Variants in WDFY3 observed in about 807,000 individuals in gnomAD.
WDFY3 encodes WD repeat and FYVE domain-containing protein 3.
In WDFY3, 66 loss-of-function variants were observed where a neutral mutation model predicts 409.6. The observed-to-expected ratio is 0.16, with a 90% CI of 0.13 to 0.20. The LOEUF is 0.20. WDFY3 is among the 10% of genes least tolerant of loss of function. The pLI is 1.00. For synonymous variants in WDFY3, 1,521 were observed against 1,537.1 expected, an observed-to-expected ratio of 0.99 and a Z score of 0.25; for missense variants, 3,031 against 4,298.1, an observed-to-expected ratio of 0.71 and a Z score of 8.24.
intron 64 of WDFY3, among the ~76,000 whole-genome samples, chr4:84,681,373 C>T (rs1356490940): frequency 6.6e-6 from 1 of 152,148 alleles, no homozygotes; most frequent in African/African-American, 2.4e-5. Flanking sequence ...TAACAGGTAA[C>T]CCCCAAACAC....
chr4:84,834,767 A>C (rs1048240759), intron 7 of WDFY3, among the ~76,000 whole-genome samples: 2 of 152,200 alleles, frequency 1.3e-5, no homozygotes, highest in African/African-American at 4.8e-5. Context: ...ACAACAACAA[A>C]AAAACTGAAT....
At chr4:84,794,797 T>C (rs1318484681) in intron 20 of WDFY3, 60 bp from the exon 21 acceptor site, 3 of 1,519,762 alleles carry the variant, frequency 2.0e-6, no homozygotes, top group African/African-American at 1.4e-5. Context: ...TTTTAAAAGA[T>C]GCCAACAAAA....
In WDFY3 at chr4:84,678,963, T is replaced by C. The variant is rs1444446258; in HGVS notation, c.10103A>G (p.His3368Arg). The change falls in exon 65 of 68, where the codon CAC becomes CGC. Residue 3368 changes from histidine to arginine, a missense_variant. By Grantham distance (29) the His-to-Arg change is conservative (BLOSUM62 0). Coordinates refer to ENST00000295888, the MANE Select transcript of WDFY3 (RefSeq NM_014991.6). Reference sequence around the variant, plus strand: ...ATTCCGCACCTCAATGGGATTGGGGTGGGGGTGGCTAAGGGGGCCCTGCAG... The same window carrying C: ...ATTCCGCACCTCAATGGGATTGGGGCGGGGGTGGCTAAGGGGGCCCTGCAG... ...AHLQGPLSHP[H>R]PNPIEVRNYS... 2 of 1,613,782 alleles carry C rather than the reference T, an allele frequency of 1.2e-6. No individual in the cohort carries two copies. The highest frequency in any genetic ancestry group is 3.3e-5 in the Admixed American group (2 of 59,964).
intron 53 of WDFY3, among the ~76,000 whole-genome samples, chr4:84,707,165 T>C (rs1578198406): frequency 6.6e-6 from 1 of 151,968 alleles, no homozygotes; most frequent in Non-Finnish European, 1.5e-5. Flanking sequence ...CCTGGACTCA[T>C]GCGATTTGCC....
chr4:84,787,438 G>A (rs1747757041), intron 23 of WDFY3, 44 bp downstream of exon 23: 2 of 1,571,798 alleles, frequency 1.3e-6, no homozygotes, highest in African/African-American at 2.7e-5. Flanking sequence ...TATTGCAGGA[G>A]TTAAGTTTCA....
At chr4:84,888,239 G>A (rs1265159971) in intron 3 of WDFY3, among the ~76,000 whole-genome samples, 3 of 152,034 alleles carry the variant, frequency 2.0e-5, no homozygotes, top group Admixed American at 6.6e-5. Context: ...AGGCAAATAC[G>A]AATAAAAAAC....
chr4:84,944,483 G>T (rs774630867), intron 1 of WDFY3, among the ~76,000 whole-genome samples: 1 of 152,132 alleles, frequency 6.6e-6, no homozygotes, highest in Non-Finnish European at 1.5e-5. Flanking sequence ...AGTGAGCCAA[G>T]ATCTTGCCAC....
intron 28 of WDFY3, 26 bp downstream of exon 28, chr4:84,775,039 T>C (rs1745315495): frequency 6.2e-7 from 1 of 1,613,556 alleles, no homozygotes; most frequent in Admixed American, 1.7e-5. Context: ...AGCTGAATAA[T>C]TAACTACGTG....
chr4:84,826,534 A>C (rs1305318569), intron 10 of WDFY3, among the ~76,000 whole-genome samples: 1 of 152,226 alleles, frequency 6.6e-6, no homozygotes, highest in Non-Finnish European at 1.5e-5. Flanking sequence ...ATTCAAAAGA[A>C]GCATGTTTTG....
intron 2 of WDFY3, among the ~76,000 whole-genome samples, chr4:84,915,418 C>T (rs1378533043): frequency 6.6e-6 from 1 of 152,104 alleles, no homozygotes; most frequent in Admixed American, 6.6e-5. Flanking sequence ...AAGTCTATCA[C>T]CACAAAATTT....
rs1325131080 is a variant in WDFY3 at position 84,802,096 on chromosome 4, C to G, written c.2608-232G>C. Among the ~76,000 whole-genome samples, 4 of 151,608 alleles carry G rather than the reference C, an allele frequency of 2.6e-5. No individual in the cohort carries two copies. The East Asian group carries it at 5.9e-4, about 22-fold the overall frequency. ...CCAAGTAACTGGGATAACAGGCGCC[C>G]ACCACCACGCCCAGTTAACTTTTGT... On this transcript the variant is annotated intron_variant, in intron 16 of 67. Coordinates refer to ENST00000295888, the MANE Select transcript of WDFY3 (RefSeq NM_014991.6).
intron 3 of WDFY3, among the ~76,000 whole-genome samples, chr4:84,880,674 C>CACATATAT (rs1218696740): frequency 2.0e-4 from 10 of 50,356 alleles, no homozygotes; most frequent in Non-Finnish European, 2.4e-4. Context: ...GGGAACCATA[C>CACATATAT]ATATATATAT....
intron 36 of WDFY3, among the ~76,000 whole-genome samples, chr4:84,748,225 T>A (rs898680657): frequency 6.6e-6 from 1 of 152,188 alleles, no homozygotes; most frequent in Non-Finnish European, 1.5e-5. Flanking sequence ...ACAGGCCACG[T>A]AGTCAATTTT....
intron 64 of WDFY3, 69 bp from the exon 65 acceptor site, chr4:84,679,311 G>C: frequency 1.4e-6 from 2 of 1,402,638 alleles, no homozygotes; most frequent in African/African-American, 1.4e-5. Flanking sequence ...TGTTCTGCTA[G>C]TATTTTTTTT....
chr4:84,679,383 A>G (rs974607887), intron 64 of WDFY3, 141 bp from the exon 65 acceptor site: 1 of 858,952 alleles, frequency 1.2e-6, no homozygotes, highest in Non-Finnish European at 1.6e-6. Flanking sequence ...AAAAGAAAGT[A>G]AGTGCCAGGA....
At chr4:84,724,869 T>C (rs1223789987) in intron 45 of WDFY3, among the ~76,000 whole-genome samples, 1 of 152,212 alleles carries the variant, frequency 6.6e-6, no homozygotes, top group Non-Finnish European at 1.5e-5. Context: ...GTTAGTGCAG[T>C]GTGTCTTCTT....
At position 84,740,349 on chromosome 4, in the gene WDFY3, T is replaced by C. The variant is rs1004492147; in HGVS notation, c.6302A>G (p.Tyr2101Cys). Reference protein sequence around the residue: ...VYHCLNRTILYQFSRAHKTVP... With the variant: ...VYHCLNRTILCQFSRAHKTVP... ...GGTTTTGTGTGCCCGTGAGAACTGG[T>C]ACAAGATGGTCCTATTGAGGCAATG... Residue 2101 changes from tyrosine to cysteine, a missense_variant, in exon 39 of 68, where the codon TAC becomes TGC. Transcript: ENST00000295888. 1 of 1,614,088 alleles carries C rather than the reference T, an allele frequency of 6.2e-7. No individual in the cohort carries two copies. Among genetic ancestry groups the C allele is most frequent in the African/African-American group, 1.3e-5 (1 of 75,012 alleles).
chr4:84,707,711 T>G (rs905688732), intron 53 of WDFY3, among the ~76,000 whole-genome samples: 2 of 152,236 alleles, frequency 1.3e-5, no homozygotes, highest in Non-Finnish European at 2.9e-5. Context: ...TAACTTTCCT[T>G]GATTGACTTA....
At chr4:84,890,518 G>A (rs1764807604) in intron 3 of WDFY3, among the ~76,000 whole-genome samples, 1 of 152,226 alleles carries the variant, frequency 6.6e-6, no homozygotes, top group Non-Finnish European at 1.5e-5. Context: ...CCTGCTGGCT[G>A]CTGGGAGGCA....
Sources: allele counts gnomAD v4.1 joint callset (sites outside exome capture counted in the v4.1 genomes callset), GRCh38; gene constraint gnomAD v4.1.1; transcripts MANE v1.5; gene names NCBI Gene and HGNC (gene_info 2026-07-23, HGNC 2026-07-21).